Variants in NUB1 observed in about 807,000 individuals in gnomAD.
NUB1 encodes the protein negative regulator of ubiquitin like proteins 1.
NUB1 carries 41 observed loss-of-function variants against 77.1 expected under a neutral mutation model. The ratio of observed to expected loss-of-function variants is 0.53; its 90% CI spans 0.41 to 0.69. NUB1 has a LOEUF of 0.69. Among genes scored for constraint, NUB1 ranks in the 30% least tolerant of loss-of-function variants. The pLI is 0.00. For synonymous variants in NUB1, 257 were observed against 281.0 expected (o/e 0.91, Z 0.85); for missense variants, 643 against 743.8 (o/e 0.86, Z 1.58).
intron 1 of NUB1, 105 bp downstream of exon 1, chr7:151,341,951 G>A: frequency 3.0e-6 from 4 of 1,344,526 alleles, no homozygotes; most frequent in Non-Finnish European, 1.9e-6. Flanking sequence ...GGGGTGGAGC[G>A]GCCGCGGGGC....
chr7:151,365,714 A>G (rs73171842), intron 8 of NUB1, among the ~76,000 whole-genome samples: 7,186 of 152,314 alleles, frequency 0.047, 239 homozygotes, highest in Middle Eastern at 0.082. Context: ...CACGTGTGTA[A>G]AACATGGTGT....
chr7:151,345,483 A>G lies in NUB1; in HGVS notation c.117+17A>G. 8.0e-7 allele frequency: 1 copy of G among 1,255,238 alleles called. No individual in the cohort carries two copies. The highest frequency in any genetic ancestry group is 1.2e-6 in the Non-Finnish European group (1 of 869,502). 77.8% of individuals were successfully genotyped at this position (1,255,238 alleles called of 1,614,324 possible). A position where few individuals can be genotyped will look rare whatever the true frequency, so the allele number is the denominator to read the frequency against. ...GCATTAAAGGTATTTTTCTTTTAAG[A>G]CATCAATAATTAGCAGCATTATAAA... On this transcript the variant is annotated intron_variant, in intron 2 of 14. Transcript: ENST00000568733.
intron 13 of NUB1, 108 bp downstream of exon 13, chr7:151,376,051 T>C: frequency 1.3e-6 from 1 of 757,160 alleles, no homozygotes; most frequent in Non-Finnish European, 2.4e-6. Flanking sequence ...TGCTGAAACC[T>C]TGGCTCCCAG....
intron 8 of NUB1, 116 bp downstream of exon 8, chr7:151,360,363 A>G: frequency 3.5e-6 from 2 of 565,758 alleles, no homozygotes; most frequent in South Asian, 5.3e-5. Context: ...TGGTTAATGT[A>G]AAAGAGTAGT....
rs758548468 is a variant in NUB1, at chr7:151,351,442, G to A, written c.304G>A (p.Glu102Lys). Residue 102 changes from glutamate to lysine, a missense_variant, in exon 4 of 15, where the codon GAG (glutamate) becomes AAG (lysine). Physicochemically the swap from Glu to Lys is moderately conservative, Grantham distance 56. Coordinates refer to ENST00000568733, the MANE Select transcript of NUB1 (RefSeq NM_001243351.2). Reference sequence around the variant, plus strand: ...TTAACAGGATAGGAAAAACTTGTTGGAGACCCGATTGCACATCACTGGCAG... The same window carrying A: ...TTAACAGGATAGGAAAAACTTGTTGAAGACCCGATTGCACATCACTGGCAG... ...RLKKDRKNLL[E>K]TRLHITGREL... The A allele has an allele frequency of 2.7e-5, 44 of 1,612,772 alleles. No individual in the cohort carries two copies. In the African/African-American group the frequency reaches 3.3e-4, roughly 12 times the overall value.
chr7:151,374,398 GACACAGGCTGCGT>G, intron 12 of NUB1, 155 bp downstream of exon 12: 1 of 1,041,954 alleles, frequency 9.6e-7, no homozygotes, highest in Non-Finnish European at 1.4e-6. Context: ...CTCCAGCCCA[GACACAGGCTGCGT>G]GAGGCCACGT....
chr7:151,362,713 G>A (rs1308131671), intron 8 of NUB1, among the ~76,000 whole-genome samples: 2 of 152,222 alleles, frequency 1.3e-5, no homozygotes, highest in African/African-American at 4.8e-5. Flanking sequence ...GGTGAGAGGA[G>A]CAAGCTGCCA....
At chr7:151,346,321 G>A (rs1796505151) in intron 2 of NUB1, among the ~76,000 whole-genome samples, 1 of 152,168 alleles carries the variant, frequency 6.6e-6, no homozygotes, top group Admixed American at 6.5e-5. Context: ...ACTAGGTGTG[G>A]CATAAAGGAA....
chr7:151,376,955 C>G lies in NUB1; in HGVS notation c.1670-92C>G, dbSNP rs1327165507. ...CCGGCCACCTGGACAGTGTGGCCAGCAAGAGGCACAGTCTGAGGTTGACTG... is the reference window on the plus strand; with the variant it reads ...CCGGCCACCTGGACAGTGTGGCCAGGAAGAGGCACAGTCTGAGGTTGACTG... On this transcript the variant is annotated intron_variant, in intron 14 of 14. Coordinates refer to ENST00000568733, the MANE Select transcript of NUB1 (RefSeq NM_001243351.2). 34 of 1,410,546 alleles carry G rather than the reference C, an allele frequency of 2.4e-5. No homozygotes were observed. The South Asian group carries it at 4.7e-4, about 19-fold the overall frequency. The allele number at this position is 1,410,546 out of a possible 1,614,324, so 87.4% of individuals were successfully genotyped here.
intron 7 of NUB1, among the ~76,000 whole-genome samples, chr7:151,359,689 A>G (rs1483774723): frequency 6.6e-6 from 1 of 152,052 alleles, no homozygotes; most frequent in African/African-American, 2.4e-5. Context: ...AGGCAGGAGA[A>G]TCGCTTGAAC....
In NUB1 at chr7:151,356,820, T is replaced by C. The variant is rs201670102; in HGVS notation, c.693+598T>C. On this transcript the variant is annotated intron_variant, in intron 7 of 14. Coordinates refer to ENST00000568733, the MANE Select transcript of NUB1 (RefSeq NM_001243351.2). ...GCAACCTCCGCCTCCTGGGTTCAAG[T>C]GATTCTCCTGCCTCAGCCTCCTGAG... Among the ~76,000 whole-genome samples, 3 of 152,046 alleles carry C rather than the reference T, an allele frequency of 2.0e-5. 1 individual carries two copies. The highest frequency in any genetic ancestry group is 6.5e-5 in the Admixed American group (1 of 15,270).
intron 11 of NUB1, among the ~76,000 whole-genome samples, chr7:151,370,776 G>A (rs959439950): frequency 9.6e-5 from 14 of 146,422 alleles, no homozygotes; most frequent in African/African-American, 3.6e-4. Context: ...TCCCACCTGT[G>A]AGTGAGAATA....
intron 3 of NUB1, among the ~76,000 whole-genome samples, chr7:151,350,572 G>C (rs567753534): frequency 2.6e-5 from 4 of 152,268 alleles, no homozygotes; most frequent in East Asian, 1.9e-4. Flanking sequence ...GTTTTTCCTA[G>C]GTTATAATTG....
At position 151,368,719 on chromosome 7, in the gene NUB1, A is replaced by C. The variant is rs748834149; in HGVS notation, c.1096-16A>C. 6.3e-7 allele frequency: 1 copy of C among 1,587,878 alleles called. No homozygotes were observed. The highest frequency in any genetic ancestry group is 8.6e-7 in the Non-Finnish European group (1 of 1,166,744). On this transcript the variant is annotated splice_polypyrimidine_tract_variant and intron_variant, in intron 10 of 14. Coordinates refer to ENST00000568733, the MANE Select transcript of NUB1 (RefSeq NM_001243351.2). ...ATTGCCGTGGTTACATGATTCTTAC[A>C]TTTCCCTGTCTCTAGGCACGTCAGC...
At chr7:151,341,867 T>C (rs1328043756) in intron 1 of NUB1, 21 bp downstream of exon 1, 8 of 1,494,276 alleles carry the variant, frequency 5.4e-6, no homozygotes, top group Non-Finnish European at 7.1e-6. Flanking sequence ...GGCGGCCGAG[T>C]GTCCTCGACC....
At chr7:151,352,933 A>C in intron 5 of NUB1, 51 bp downstream of exon 5, 1 of 966,004 alleles carries the variant, frequency 1.0e-6, no homozygotes, top group South Asian at 1.6e-5. Flanking sequence ...ATATAGAAAT[A>C]ATGACTTCCC....
intron 4 of NUB1, 140 bp from the exon 5 acceptor site, chr7:151,352,672 G>T (rs1210240167): frequency 1.6e-6 from 1 of 619,632 alleles, no homozygotes; most frequent in African/African-American, 1.9e-5. Context: ...TGAATTCCTG[G>T]GCTCAAGCCA....
In NUB1 at chr7:151,349,107, G is replaced by T; in HGVS notation, c.152G>T (p.Cys51Phe). The T allele has an allele frequency of 6.2e-7, 1 of 1,613,308 alleles. No homozygotes were observed. Among genetic ancestry groups the T allele is most frequent in the South Asian group, 1.1e-5 (1 of 91,052 alleles). ...LAKQYSDRLECCENEVEKVIE... is the reference protein window; with the variant it reads ...LAKQYSDRLEFCENEVEKVIE... ...AAGCAGTACTCTGACAGACTAGAAT[G>T]CTGTGAAAATGAAGTAGAAAAGGTA... Residue 51 changes from cysteine to phenylalanine, a missense_variant, in exon 3 of 15, where the codon TGC becomes TTC. Cys to Phe is a radical substitution (Grantham distance 205). Coordinates refer to ENST00000568733, the MANE Select transcript of NUB1 (RefSeq NM_001243351.2).
At chr7:151,367,309 T>A (rs1298299107) in intron 9 of NUB1, among the ~76,000 whole-genome samples, 184 bp downstream of exon 9, 2 of 152,242 alleles carry the variant, frequency 1.3e-5, no homozygotes, top group Non-Finnish European at 2.9e-5. Context: ...CTGTCTCTCT[T>A]ACTTAGCGTG....
Sources: allele counts gnomAD v4.1 joint callset (sites outside exome capture counted in the v4.1 genomes callset), GRCh38; gene constraint gnomAD v4.1.1; transcripts MANE v1.5; gene names NCBI Gene and HGNC (gene_info 2026-07-23, HGNC 2026-07-21).